CYP2U1: variants seen among roughly 807,000 people sequenced by gnomAD.
The protein encoded by CYP2U1 is cytochrome P450 2U1.
CYP2U1 carries 28 observed loss-of-function variants against 42.8 expected under a neutral mutation model. The observed-to-expected ratio is 0.65, with a 90% CI of 0.48 to 0.90. The LOEUF is 0.90. Ranked by LOEUF, CYP2U1 falls within the 40% of genes least tolerant of loss-of-function variation. The probability of loss-of-function intolerance (pLI) is 0.00; values close to 1 mark genes in which losing one functional copy is unlikely to be tolerated. For synonymous variants in CYP2U1, 296 were observed against 278.9 expected, an observed-to-expected ratio of 1.06 and a Z score of -0.61; for missense variants, 642 against 693.8, an observed-to-expected ratio of 0.93 and a Z score of 0.84.
chr4:107,948,944 C>T (rs1733811817), intron 3 of CYP2U1, among the ~76,000 whole-genome samples: 1 of 152,074 alleles, frequency 6.6e-6, no homozygotes, highest in Non-Finnish European at 1.5e-5. Flanking sequence ...ATTTCTTTAT[C>T]TTAGTTTACC....
chr4:107,939,990 C>G (rs1733423047), intron 1 of CYP2U1: 1 of 152,108 alleles, frequency 6.6e-6, no homozygotes, highest in Admixed American at 6.6e-5. Flanking sequence ...GGACATTTGT[C>G]TATCTTGGCC....
At chr4:107,938,613 A>G (rs1578718694) in intron 1 of CYP2U1, 1 of 152,172 alleles carries the variant, frequency 6.6e-6, no homozygotes, top group Non-Finnish European at 1.5e-5. Flanking sequence ...TGAGGTGGCA[A>G]TACCCTTTCC....
chr4:107,945,219 A>T lies in CYP2U1; in HGVS notation c.740A>T (p.Glu247Val), dbSNP rs1241705826. ...CAGCGCTTTGATTACACTAATAGTG[A>T]GTTCAAGAAAATGCTTGGTTTTATG... The part of the protein sequence containing the change: ...FGQRFDYTNS[E>V]FKKMLGFMSR... Residue 247 changes from glutamate to valine, a missense_variant, in exon 2 of 5, where the codon GAG becomes GTG. Coordinates refer to ENST00000332884, the MANE Select transcript of CYP2U1 (RefSeq NM_183075.3). 1 of 1,614,112 alleles carries T rather than the reference A, an allele frequency of 6.2e-7. No homozygotes were observed. The highest frequency in any genetic ancestry group is 8.5e-7 in the Non-Finnish European group (1 of 1,180,018).
Position 107,945,381 on chromosome 4 carries a change from T to G in CYP2U1, c.902T>G (p.Ile301Ser). The change falls in exon 2 of 5, where the codon ATC becomes AGC. Residue 301 changes from isoleucine (I) to serine (S), a missense_variant. Physicochemically the swap from Ile to Ser is moderately radical, Grantham distance 142. Coordinates refer to ENST00000332884, the MANE Select transcript of CYP2U1 (RefSeq NM_183075.3). ...GATATAACCAGTTTCCTTAAAAAAA[T>G]CATCAAAGACCATCAAGAGTCTCTG... The part of the protein sequence containing the change: ...EKDITSFLKK[I>S]IKDHQESLDR... The G allele has an allele frequency of 6.2e-7, 1 of 1,613,998 alleles. No individual in the cohort carries two copies. Among genetic ancestry groups the G allele is most frequent in the Non-Finnish European group, 8.5e-7 (1 of 1,179,996 alleles).
chr4:107,934,943 C>T (rs373700058), intron 1 of CYP2U1, among the ~76,000 whole-genome samples: 6 of 152,270 alleles, frequency 3.9e-5, no homozygotes, highest in African/African-American at 1.4e-4. Flanking sequence ...ATGACCACTC[C>T]CACCTCTCAA....
At position 107,931,639 on chromosome 4, in the gene CYP2U1, G is replaced by C; in HGVS notation, c.-5G>C. On this transcript the variant is annotated 5_prime_UTR_variant, in exon 1 of 5. Coordinates refer to ENST00000332884, the MANE Select transcript of CYP2U1 (RefSeq NM_183075.3). ...GGGGAACCCGAGGCCGCCGGCGCCC[G>C]GACCATGTCGTCTCCGGGGCCGTCG... 8.0e-7 allele frequency: 1 copy of C among 1,252,754 alleles called. No homozygotes were observed. The highest frequency in any genetic ancestry group is 1.6e-5 in the African/African-American group (1 of 64,336). 77.6% of individuals were successfully genotyped at this position (1,252,754 alleles called of 1,614,324 possible).
intron 1 of CYP2U1, among the ~76,000 whole-genome samples, chr4:107,939,723 C>T (rs967100472): frequency 2.0e-5 from 3 of 152,092 alleles, no homozygotes. Flanking sequence ...AGAAATGAGC[C>T]AGTAGACTGA....
intron 2 of CYP2U1, among the ~76,000 whole-genome samples, chr4:107,946,220 G>T (rs1733694000): frequency 6.6e-6 from 1 of 152,166 alleles, no homozygotes; most frequent in South Asian, 2.1e-4. Context: ...TTTCTGGAGG[G>T]TCTAAAGAAG....
intron 1 of CYP2U1, chr4:107,940,965 A>G (rs1047842067): frequency 2.6e-5 from 4 of 152,162 alleles, no homozygotes; most frequent in African/African-American, 7.2e-5. Context: ...GACATAATCT[A>G]TCTTCCCCAA....
intron 1 of CYP2U1, among the ~76,000 whole-genome samples, chr4:107,942,138 G>C (rs1042059048): frequency 6.6e-6 from 1 of 152,196 alleles, no homozygotes; most frequent in Non-Finnish European, 1.5e-5. Flanking sequence ...TCCAAGCCAA[G>C]TTCTGCCAGC....
At position 107,949,380 on chromosome 4, in the gene CYP2U1, C is replaced by A; in HGVS notation, c.1319C>A (p.Thr440Lys). The A allele has an allele frequency of 6.3e-7, 1 of 1,587,872 alleles. No individual in the cohort carries two copies. The highest frequency in any genetic ancestry group is 1.8e-5 in the Admixed American group (1 of 56,480). Reference sequence around the variant, plus strand: ...CAAGGGTATACCATTCCTAAAGGCACATTGATCTTACCCAACCTGTGGTCA... The same window carrying A: ...CAAGGGTATACCATTCCTAAAGGCAAATTGATCTTACCCAACCTGTGGTCA... The part of the protein sequence containing the change: ...VLQGYTIPKG[T>K]LILPNLWSVH... The change falls in exon 4 of 5, where the codon ACA becomes AAA. Residue 440 changes from threonine to lysine, a missense_variant. Physicochemically the swap from Thr to Lys is moderately conservative, Grantham distance 78. Transcript: ENST00000332884.
rs545752523 is a variant in CYP2U1 at position 107,934,119 on chromosome 4, A to C, written c.490+1986A>C. On this transcript the variant is annotated intron_variant, in intron 1 of 4. Coordinates refer to ENST00000332884, the MANE Select transcript of CYP2U1 (RefSeq NM_183075.3). ...CATCATACTATTTTACAGTGAGTGC[A>C]CCAGTTTACATTCCCACAGGGGTCC... 2.0e-5 allele frequency among the ~76,000 whole-genome samples: 3 copies of C among 151,300 alleles called. No homozygotes were observed. In the South Asian group the frequency reaches 6.3e-4, roughly 32 times the overall value.
chr4:107,936,207 C>G (rs1157204262), intron 1 of CYP2U1: 1 of 152,148 alleles, frequency 6.6e-6, no homozygotes, highest in Non-Finnish European at 1.5e-5. Flanking sequence ...AAGAAAATTA[C>G]AAAATCAGAG....
rs1411369037 is a variant in CYP2U1, at chr4:107,931,976, C to T, written c.333C>T (p.Ala111=). 5 of 1,552,524 alleles carry T rather than the reference C, an allele frequency of 3.2e-6. No homozygotes were observed. The South Asian group carries it at 4.8e-5, about 15-fold the overall frequency. Residue 111 remains alanine (A), a synonymous_variant, in exon 1 of 5, where the codon GCC becomes GCT. Coordinates refer to ENST00000332884, the MANE Select transcript of CYP2U1 (RefSeq NM_183075.3). ...CGCAGGTGCTCCTGGCTCACCTAGC[C>T]CGCGTGTACGGCAGCATCTTCAGCT... ...IGPQVLLAHL[A]RVYGSIFSFF... is the part of the protein sequence containing the mutation.
Position 107,949,533 on chromosome 4 carries a change from T to A in CYP2U1, c.1456+16T>A. The A allele has an allele frequency of 6.6e-7, 1 of 1,506,792 alleles. No individual in the cohort carries two copies. Among genetic ancestry groups the A allele is most frequent in the Non-Finnish European group, 8.9e-7 (1 of 1,121,416 alleles). 93.3% of individuals were successfully genotyped at this position (1,506,792 alleles called of 1,614,324 possible). ...TTTGGGATAGGTCAGTTACACTTTT[T>A]TAAACTGCATAATTTTTAAAAGAAG... On this transcript the variant is annotated intron_variant, in intron 4 of 4. Transcript: ENST00000332884.
rs766399892 is a variant in CYP2U1 at position 107,932,123 on chromosome 4, C to T, written c.480C>T (p.Thr160=). The change falls in exon 1 of 5, where the codon ACC becomes ACT. Residue 160 remains threonine, a synonymous_variant. Transcript: ENST00000332884. ...GGGTGCCGCTCATCTCCATCGTGAC[C>T]AAGGAGAAGGGTGAGCGGGAGGTCG... ...RPRVPLISIV[T]KEKGVVFAHY... 4 of 1,604,158 alleles carry T rather than the reference C, an allele frequency of 2.5e-6. No homozygotes were observed. The highest frequency in any genetic ancestry group is 3.4e-5 in the Admixed American group (2 of 59,128).
Position 107,931,692 on chromosome 4 carries a change from C to T in CYP2U1, c.49C>T (p.Pro17Ser). 7.5e-7 allele frequency: 1 copy of T among 1,338,990 alleles called. No individual in the cohort carries two copies. The highest frequency in any genetic ancestry group is 9.5e-7 in the Non-Finnish European group (1 of 1,054,262). 82.9% of individuals were successfully genotyped at this position (1,338,990 alleles called of 1,614,324 possible). ...GCCGCCGGCCGAGGACCCGCCCTGG[C>T]CCGCGCGCCTCCTGCGTGCGCCTCT... is the stretch of plus-strand genomic sequence containing the variant. The part of the protein sequence containing the change: ...SQPPAEDPPW[P>S]ARLLRAPLGL... Residue 17 changes from proline to serine, a missense_variant, in exon 1 of 5, where the codon CCC becomes TCC. By Grantham distance (74) the Pro-to-Ser change is moderately conservative (BLOSUM62 -1). Transcript: ENST00000332884.
Position 107,953,299 on chromosome 4 carries a change from T to G in CYP2U1, c.*2876T>G, listed in dbSNP as rs1733971284. 6.6e-6 allele frequency: 1 copy of G among 152,240 alleles called. No individual in the cohort carries two copies. Among genetic ancestry groups the G allele is most frequent in the Non-Finnish European group, 1.5e-5 (1 of 68,042 alleles). 9.4% of individuals were successfully genotyped at this position (152,240 alleles called of 1,614,324 possible). Reference sequence around the variant, plus strand: ...TTTATATATAAATTGCTAAAAGGACTGTTAATGCTTTTCTCAGACACATTG... The same window carrying G: ...TTTATATATAAATTGCTAAAAGGACGGTTAATGCTTTTCTCAGACACATTG... On this transcript the variant is annotated 3_prime_UTR_variant, in exon 5 of 5. Transcript: ENST00000332884.
rs772721415 is a variant in CYP2U1, at chr4:107,931,769, C to G, written c.126C>G (p.Leu42=). Residue 42 remains leucine (L), a synonymous_variant, in exon 1 of 5, where the codon CTC becomes CTG. Coordinates refer to ENST00000332884, the MANE Select transcript of CYP2U1 (RefSeq NM_183075.3). ...GGGGCGCGCTGCTGCTATGCGGCCTCGTAGCGCTGCTGGGCTGGAGCTGGC... is the reference window on the plus strand; with the variant it reads ...GGGGCGCGCTGCTGCTATGCGGCCTGGTAGCGCTGCTGGGCTGGAGCTGGC... ...PSGGALLLCG[L]VALLGWSWLR... 4.0e-6 allele frequency: 6 copies of G among 1,487,196 alleles called. No homozygotes were observed. The highest frequency in any genetic ancestry group is 5.3e-6 in the Non-Finnish European group (6 of 1,124,992). The allele number at this position is 1,487,196 out of a possible 1,614,324, so 92.1% of individuals were successfully genotyped here. A position where few individuals can be genotyped will look rare whatever the true frequency, so the allele number is the denominator to read the frequency against.
Sources: allele counts gnomAD v4.1 joint callset (sites outside exome capture counted in the v4.1 genomes callset), GRCh38; gene constraint gnomAD v4.1.1; transcripts MANE v1.5; gene names NCBI Gene and HGNC (gene_info 2026-07-23, HGNC 2026-07-21).